AASDH: variants seen among roughly 807,000 people sequenced by gnomAD.
AASDH encodes aminoadipate-semialdehyde dehydrogenase.
Under a neutral mutation model 102.3 loss-of-function variants are expected in AASDH, and 81 were observed. That is an observed-to-expected ratio of 0.79 (90% CI 0.66 to 0.95). The LOEUF (loss-of-function observed/expected upper bound fraction) is 0.95, where lower values mean the gene tolerates loss of function less well. AASDH is among the 40% of genes least tolerant of loss of function. The probability of loss-of-function intolerance (pLI) is 0.00; values close to 1 mark genes in which losing one functional copy is unlikely to be tolerated. For synonymous variants in AASDH, 398 were observed against 454.0 expected (o/e 0.88, Z 1.57); for missense variants, 1,203 against 1,266.2 (o/e 0.95, Z 0.76).
intron 5 of AASDH, among the ~76,000 whole-genome samples, chr4:56,365,356 G>C (rs1042727307): frequency 1.3e-5 from 2 of 150,910 alleles, no homozygotes; most frequent in African/African-American, 2.4e-5. Flanking sequence ...ACTCAGCTCT[G>C]CACCAAGCGG....
chr4:56,347,692 G>A (rs4864578), intron 11 of AASDH, among the ~76,000 whole-genome samples: 91,427 of 151,844 alleles, frequency 0.6, 27,654 homozygotes, highest in Admixed American at 0.68. Flanking sequence ...GCTTGAGCCC[G>A]GGAGTTTGAG....
At chr4:56,385,383 T>C (rs1753431049) in intron 1 of AASDH, among the ~76,000 whole-genome samples, 1 of 152,154 alleles carries the variant, frequency 6.6e-6, no homozygotes, top group Non-Finnish European at 1.5e-5. Context: ...ATATTACAAC[T>C]CAATAAAGCA....
In AASDH at chr4:56,384,033, G is replaced by T. The variant is rs779548005; in HGVS notation, c.230+37C>A. 3 of 1,525,274 alleles carry T rather than the reference G, an allele frequency of 2.0e-6. No homozygotes were observed. In the South Asian group the frequency reaches 3.4e-5, roughly 17 times the overall value. The allele number at this position is 1,525,274 out of a possible 1,614,324, so 94.5% of individuals were successfully genotyped here. ...CTCTATTAAAAATTTACATTAGCTTGGAGTAACATCAAATTTACAGTTCTA... is the reference window on the plus strand; with the variant it reads ...CTCTATTAAAAATTTACATTAGCTTTGAGTAACATCAAATTTACAGTTCTA... On this transcript the variant is annotated intron_variant, in intron 2 of 14. Coordinates refer to ENST00000205214, the MANE Select transcript of AASDH (RefSeq NM_181806.4).
At chr4:56,349,078 A>C (rs1748661230) in intron 11 of AASDH, 185 bp downstream of exon 11, 1 of 632,850 alleles carries the variant, frequency 1.6e-6, no homozygotes, top group African/African-American at 1.8e-5. Flanking sequence ...CTATACAGGT[A>C]GGTTCAAATC....
At chr4:56,369,944 T>TA (rs56400257) in intron 5 of AASDH, among the ~76,000 whole-genome samples, 2,987 of 133,224 alleles carry the variant, frequency 0.022, 45 homozygotes, top group South Asian at 0.048. Context: ...CTGTCTCAAT[T>TA]AAAAAAAAAA....
intron 2 of AASDH, 119 bp from the exon 3 acceptor site, chr4:56,382,716 A>G (rs975467656): frequency 3.4e-6 from 4 of 1,163,142 alleles, no homozygotes; most frequent in Non-Finnish European, 4.8e-6. Flanking sequence ...TGGTTTCCGG[A>G]GCACTTTATT....
intron 4 of AASDH, among the ~76,000 whole-genome samples, chr4:56,377,126 T>C (rs1027448561): frequency 2.6e-5 from 4 of 152,068 alleles, no homozygotes; most frequent in African/African-American, 9.7e-5. Context: ...TGATTCTTTT[T>C]TCTTCCCTTT....
intron 5 of AASDH, among the ~76,000 whole-genome samples, chr4:56,366,970 C>A (rs1484493451): frequency 6.6e-6 from 1 of 152,126 alleles, no homozygotes; most frequent in Non-Finnish European, 1.5e-5. Context: ...ATCCAGAAAA[C>A]CCCATCGTCT....
chr4:56,338,432 A>G lies in AASDH; in HGVS notation c.3267T>C (p.Cys1089=). 1 of 1,613,886 alleles carries G rather than the reference A, an allele frequency of 6.2e-7. No individual in the cohort carries two copies. The highest frequency in any genetic ancestry group is 8.5e-7 in the Non-Finnish European group (1 of 1,179,920). ...TTTGATTGCCACCCAATAAATCCAGACAATAAACATAATTATCTCTACACC... is the reference window on the plus strand; with the variant it reads ...TTTGATTGCCACCCAATAAATCCAGGCAATAAACATAATTATCTCTACACC... ...IIGCRDNYVY[C]LDLLGGNQK The change falls in exon 15 of 15, where the codon TGT becomes TGC. Residue 1089 remains cysteine (C), a synonymous_variant. Coordinates refer to ENST00000205214, the MANE Select transcript of AASDH (RefSeq NM_181806.4).
At chr4:56,361,841 A>T (rs761503277) in intron 5 of AASDH, among the ~76,000 whole-genome samples, 2 of 152,028 alleles carry the variant, frequency 1.3e-5, no homozygotes, top group Non-Finnish European at 2.9e-5. Context: ...GCATGATGGC[A>T]TGCACCTGTG....
chr4:56,385,932 T>TC (rs61323244), intron 1 of AASDH, among the ~76,000 whole-genome samples: 66,981 of 150,344 alleles, frequency 0.45, 15,217 homozygotes, highest in Non-Finnish European at 0.49. Flanking sequence ...TTTCTTTCTT[T>TC]TTTTTTTTTT....
intron 11 of AASDH, among the ~76,000 whole-genome samples, chr4:56,347,903 A>C (rs147072622): frequency 0.016 from 2,423 of 152,292 alleles, 75 homozygotes; most frequent in African/African-American, 0.055. Context: ...CTGTAATCCC[A>C]GCACTTTGGG....
At chr4:56,380,597 G>A (rs1220906161) in intron 3 of AASDH, among the ~76,000 whole-genome samples, 1 of 152,080 alleles carries the variant, frequency 6.6e-6, no homozygotes, top group Admixed American at 6.6e-5. Context: ...ACTTCACTTA[G>A]GACAATTATC....
intron 5 of AASDH, among the ~76,000 whole-genome samples, chr4:56,364,690 G>A (rs1750765219): frequency 6.6e-6 from 1 of 152,134 alleles, no homozygotes; most frequent in South Asian, 2.1e-4. Context: ...TCACCACCAG[G>A]CCTGCCCTAA....
chr4:56,346,656 A>G (rs1453527453), intron 11 of AASDH, among the ~76,000 whole-genome samples: 1 of 152,224 alleles, frequency 6.6e-6, no homozygotes, highest in Non-Finnish European at 1.5e-5. Flanking sequence ...AATACATAAA[A>G]CAATTCTTAA....
At chr4:56,356,970 A>G (rs1749716033) in intron 5 of AASDH, 1 of 459,036 alleles carries the variant, frequency 2.2e-6, no homozygotes, top group African/African-American at 2.0e-5. Flanking sequence ...AAAATAATTA[A>G]AATAATAGAA....
chr4:56,378,457 T>C lies in AASDH; in HGVS notation c.359A>G (p.Lys120Arg), dbSNP rs1168972077. The change falls in exon 4 of 15, where the codon AAA (lysine) becomes AGA (arginine). Residue 120 changes from lysine (K) to arginine (R), a missense_variant. Transcript: ENST00000205214. ...LVEKKQINKF[K>R]SFHETLLNYD... The stretch of plus-strand genomic sequence containing the variant: ...GTTCAATAATGTTTCATGAAAAGAT[T>C]TAAATTTCTGTGTGAAATGGGGGAC... 2 of 1,592,846 alleles carry C rather than the reference T, an allele frequency of 1.3e-6. No individual in the cohort carries two copies. Among genetic ancestry groups the C allele is most frequent in the Non-Finnish European group, 1.7e-6 (2 of 1,172,084 alleles).
chr4:56,379,201 T>C (rs1446650673), intron 3 of AASDH, among the ~76,000 whole-genome samples: 1 of 152,148 alleles, frequency 6.6e-6, no homozygotes. Context: ...CAGTGTAATC[T>C]TAACTGACTG....
chr4:56,383,454 A>G (rs1271772842), intron 2 of AASDH, among the ~76,000 whole-genome samples: 1 of 152,154 alleles, frequency 6.6e-6, no homozygotes, highest in Non-Finnish European at 1.5e-5. Context: ...CTTTATATTT[A>G]TATAATTAAT....
Sources: allele counts gnomAD v4.1 joint callset (sites outside exome capture counted in the v4.1 genomes callset), GRCh38; gene constraint gnomAD v4.1.1; transcripts MANE v1.5; gene names NCBI Gene and HGNC (gene_info 2026-07-23, HGNC 2026-07-21).